Variants in DLG2 observed in about 807,000 individuals in gnomAD.
DLG2 encodes discs large MAGUK scaffold protein 2.
A neutral mutation model predicts 132.5 loss-of-function variants in DLG2; 45 were observed. The observed-to-expected ratio is 0.34, with a 90% CI of 0.27 to 0.44. The LOEUF (loss-of-function observed/expected upper bound fraction) is 0.44. DLG2 is among the 20% of genes least tolerant of loss of function. The pLI, the probability that DLG2 is intolerant of heterozygous loss-of-function variation, is 1.00. For synonymous variants in DLG2, 424 were observed against 419.6 expected (o/e 1.01, Z -0.13); for missense variants, 1,045 against 1,196.9 (o/e 0.87, Z 1.87).
chr11:85,105,559 C>A (rs2071597171), intron 6 of DLG2, among the ~76,000 whole-genome samples: 1 of 151,844 alleles, frequency 6.6e-6, no homozygotes, highest in South Asian at 2.1e-4. Flanking sequence ...GGATTCTTTT[C>A]CAGTCCTGTG....
chr11:84,955,698 T>C (rs2051564087), intron 6 of DLG2: 2 of 152,220 alleles, frequency 1.3e-5, no homozygotes, highest in African/African-American at 2.4e-5. Flanking sequence ...TAAATGATGC[T>C]GCCTTACTGA....
chr11:84,872,505 T>C (rs1024610846), intron 6 of DLG2, among the ~76,000 whole-genome samples: 1 of 152,210 alleles, frequency 6.6e-6, no homozygotes, highest in Non-Finnish European at 1.5e-5. Flanking sequence ...TGTGGAATGC[T>C]ATAATAGAGT....
chr11:85,133,998 A>C (rs2075947608), intron 5 of DLG2, among the ~76,000 whole-genome samples: 1 of 151,952 alleles, frequency 6.6e-6, no homozygotes, highest in Admixed American at 6.6e-5. Flanking sequence ...GGAGCTCAGA[A>C]AGGAGAGAGG....
intron 3 of DLG2, among the ~76,000 whole-genome samples, chr11:85,583,609 T>C (rs955195549): frequency 1.3e-5 from 2 of 152,200 alleles, no homozygotes; most frequent in African/African-American, 4.8e-5. Flanking sequence ...AGTGAAATGT[T>C]TCCTTAAGAA....
chr11:84,991,539 G>GAAA (rs3067368), intron 6 of DLG2, among the ~76,000 whole-genome samples: 1 of 147,172 alleles, frequency 6.8e-6, no homozygotes, highest in African/African-American at 2.5e-5. Flanking sequence ...AAGAAAGAAA[G>GAAA]GAAGAAAGAA....
intron 10 of DLG2, among the ~76,000 whole-genome samples, chr11:84,086,102 A>T (rs79810890): frequency 0.013 from 2,031 of 152,316 alleles, 20 homozygotes; most frequent in Non-Finnish European, 0.02. Context: ...CCATACAGAC[A>T]TGGAGCCCCA....
At chr11:83,868,087 T>TG (rs2062733877) in intron 16 of DLG2, among the ~76,000 whole-genome samples, 1 of 152,146 alleles carries the variant, frequency 6.6e-6, no homozygotes, top group Non-Finnish European at 1.5e-5. Flanking sequence ...GATGCTGAAC[T>TG]GGGGGGACAG....
chr11:83,720,576 T>A (rs2088225897), intron 18 of DLG2, among the ~76,000 whole-genome samples: 1 of 151,978 alleles, frequency 6.6e-6, no homozygotes, highest in South Asian at 2.1e-4. Flanking sequence ...AAGTGATGGA[T>A]CTCTCCCTGA....
At chr11:83,968,393 T>C (rs2090664960) in intron 12 of DLG2, among the ~76,000 whole-genome samples, 1 of 152,188 alleles carries the variant, frequency 6.6e-6, no homozygotes, top group Admixed American at 6.5e-5. Context: ...ATTTCTCTTC[T>C]AGATAAGACA....
chr11:85,137,679 T>C (rs1394368520), intron 5 of DLG2, among the ~76,000 whole-genome samples: 1 of 152,300 alleles, frequency 6.6e-6, no homozygotes, highest in East Asian at 1.9e-4. Flanking sequence ...CCAGAAGGAA[T>C]GGACTCCACA....
intron 3 of DLG2, among the ~76,000 whole-genome samples, chr11:85,557,319 A>G (rs181763222): frequency 5.9e-5 from 9 of 152,008 alleles, no homozygotes; most frequent in African/African-American, 2.2e-4. Flanking sequence ...ACACAAATAA[A>G]TGGAAAAACA....
intron 6 of DLG2, among the ~76,000 whole-genome samples, chr11:84,944,605 A>ATTTTT (rs60502429): frequency 1.5e-5 from 2 of 133,888 alleles, no homozygotes; most frequent in Admixed American, 7.6e-5. Flanking sequence ...GTCTCTGTTA[A>ATTTTT]TTTTTTTTTT....
chr11:85,260,989 T>C (rs1478104051), intron 4 of DLG2, among the ~76,000 whole-genome samples: 1 of 152,118 alleles, frequency 6.6e-6, no homozygotes, highest in East Asian at 1.9e-4. Flanking sequence ...ATCTAAAGTC[T>C]CTCTTGAGAT....
intron 7 of DLG2, among the ~76,000 whole-genome samples, chr11:84,343,673 T>C (rs2098526059): frequency 6.6e-6 from 1 of 152,206 alleles, no homozygotes; most frequent in Admixed American, 6.5e-5. Context: ...AATAATTTTG[T>C]TACCTAATTT....
chr11:85,064,485 T>C (rs1363604033), intron 6 of DLG2, among the ~76,000 whole-genome samples: 1 of 151,714 alleles, frequency 6.6e-6, no homozygotes, highest in Non-Finnish European at 1.5e-5. Context: ...ACCTCGCCAC[T>C]TACATATAAA....
Position 85,371,571 on chromosome 11 carries a change from C to T in DLG2, c.41-86206G>A, listed in dbSNP as rs143772790. 1.9e-3 allele frequency among the ~76,000 whole-genome samples: 284 copies of T among 152,260 alleles called. 1 individual carries two copies. Among genetic ancestry groups the T allele is most frequent in the Non-Finnish European group, 3.1e-3 (209 of 68,020 alleles). ...GGCTTTGACTGGAAGGGTATGCTTC[C>T]GTTTGAGGAGTGAAGCTTGACTTGC... On this transcript the variant is annotated intron_variant, in intron 3 of 27. Transcript: ENST00000376104.
intron 6 of DLG2, among the ~76,000 whole-genome samples, chr11:84,891,395 A>G (rs2089366079): frequency 6.6e-6 from 1 of 152,202 alleles, no homozygotes; most frequent in South Asian, 2.1e-4. Context: ...AGCATAATAT[A>G]TATTGGGATT....
intron 6 of DLG2, among the ~76,000 whole-genome samples, chr11:84,852,074 A>G (rs753646071): frequency 3.3e-5 from 5 of 151,952 alleles, no homozygotes; most frequent in African/African-American, 1.2e-4. Flanking sequence ...CAAATTCCAG[A>G]TCTATATTTA....
intron 11 of DLG2, among the ~76,000 whole-genome samples, chr11:83,993,972 G>A (rs1005571151): frequency 2.6e-5 from 4 of 152,072 alleles, no homozygotes; most frequent in African/African-American, 7.2e-5. Context: ...AGGGTAACTC[G>A]GTGGATCTTG....
Sources: allele counts gnomAD v4.1 joint callset (sites outside exome capture counted in the v4.1 genomes callset), GRCh38; gene constraint gnomAD v4.1.1; transcripts MANE v1.5; gene names NCBI Gene and HGNC (gene_info 2026-07-23, HGNC 2026-07-21).